KCNJ10: variants seen among roughly 807,000 people sequenced by gnomAD.
KCNJ10 encodes the protein ATP-sensitive inward rectifier potassium channel 10.
KCNJ10 carries 9 observed loss-of-function variants against 22.2 expected under a neutral mutation model. That is an observed-to-expected ratio of 0.40 (90% CI 0.24 to 0.71). KCNJ10 has a LOEUF of 0.71. Ranked by LOEUF, KCNJ10 falls within the 30% of genes least tolerant of loss-of-function variation. The probability of loss-of-function intolerance (pLI) is 0.35; values close to 1 mark genes in which losing one functional copy is unlikely to be tolerated. For synonymous variants in KCNJ10, 184 were observed against 187.3 expected (o/e 0.98, Z 0.15); for missense variants, 337 against 482.7 (o/e 0.70, Z 2.83).
intron 1 of KCNJ10, among the ~76,000 whole-genome samples, chr1:160,043,053 GT>G (rs1164100849): frequency 1.3e-5 from 2 of 152,132 alleles, no homozygotes; most frequent in African/African-American, 2.4e-5. Flanking sequence ...TTGCAACACA[GT>G]CTGATATTTG....
At chr1:160,047,745 C>G (rs78463132) in intron 1 of KCNJ10, among the ~76,000 whole-genome samples, 1,560 of 152,264 alleles carry the variant, frequency 0.01, 20 homozygotes, top group Non-Finnish European at 0.017. Flanking sequence ...CCACCTCACC[C>G]CCCGCCAGAT....
In KCNJ10 at chr1:160,038,495, A is replaced by C. The variant is rs1421455737; in HGVS notation, c.*2898T>G. 1 of 152,160 alleles carries C rather than the reference A, an allele frequency of 6.6e-6. No individual in the cohort carries two copies. Among genetic ancestry groups the C allele is most frequent in the Admixed American group, 6.5e-5 (1 of 15,276 alleles). The allele number at this position is 152,160 out of a possible 1,614,324, so 9.4% of individuals were successfully genotyped here. A position where few individuals can be genotyped will look rare whatever the true frequency, so the allele number is the denominator to read the frequency against. On this transcript the variant is annotated 3_prime_UTR_variant, in exon 2 of 2. Coordinates refer to ENST00000644903, the MANE Select transcript of KCNJ10 (RefSeq NM_002241.5). Reference sequence around the variant, plus strand: ...CCTCCCTTTCCCATTTCCAGACTTGAAATCCTTCATCAGCTATCTCACTTC... The same window carrying C: ...CCTCCCTTTCCCATTTCCAGACTTGCAATCCTTCATCAGCTATCTCACTTC...
Position 160,042,508 on chromosome 1 carries a change from A to G in KCNJ10, c.25T>C (p.Tyr9His). 6.2e-7 allele frequency: 1 copy of G among 1,614,126 alleles called. No homozygotes were observed. The highest frequency in any genetic ancestry group is 8.5e-7 in the Non-Finnish European group (1 of 1,180,024). Residue 9 changes from tyrosine to histidine, a missense_variant, in exon 2 of 2, where the codon TAC becomes CAC. Tyr to His is a moderately conservative substitution (Grantham distance 83). Around this residue, in one of 3 missense-constraint regions of KCNJ10, gnomAD observed 107 missense variants for 135.2 expected, o/e 0.79. Transcript: ENST00000644903. Reference protein sequence around the residue: MTSVAKVYYSQTTQTESRP... With the variant: MTSVAKVYHSQTTQTESRP... The stretch of plus-strand genomic sequence containing the variant: ...CTTTCTGTCTGAGTGGTCTGACTGT[A>G]ATACACCTTGGCAACTGACGTCATC...
chr1:160,069,629 G>A (rs1182056501), intron 1 of KCNJ10, among the ~76,000 whole-genome samples: 1 of 152,176 alleles, frequency 6.6e-6, no homozygotes, highest in East Asian at 1.9e-4. Context: ...GGGAGGGGCT[G>A]GGGATGGGAG....
chr1:160,059,595 G>T (rs572302731), intron 1 of KCNJ10, among the ~76,000 whole-genome samples: 7 of 152,206 alleles, frequency 4.6e-5, no homozygotes, highest in Admixed American at 3.9e-4. Flanking sequence ...TAGGTCTCAG[G>T]GTCTCCCTCA....
intron 1 of KCNJ10, among the ~76,000 whole-genome samples, chr1:160,053,945 GA>G (rs1394933984): frequency 6.6e-6 from 1 of 152,156 alleles, no homozygotes; most frequent in Non-Finnish European, 1.5e-5. Context: ...TCTCTGGCCA[GA>G]CACCACCCCT....
In KCNJ10 at chr1:160,040,722, T is replaced by G. The variant is rs1648580597; in HGVS notation, c.*671A>C. On this transcript the variant is annotated 3_prime_UTR_variant, in exon 2 of 2. Transcript: ENST00000644903. ...TTATGTTTCTTGGGCCAACTCCAATTCTCTGAGAACAGAGGCTATGAGGGA... is the reference window on the plus strand; with the variant it reads ...TTATGTTTCTTGGGCCAACTCCAATGCTCTGAGAACAGAGGCTATGAGGGA... The G allele has an allele frequency of 5.0e-6, 2 of 397,888 alleles. No individual in the cohort carries two copies. The highest frequency in any genetic ancestry group is 4.1e-5 in the African/African-American group (2 of 48,572). The allele number at this position is 397,888 out of a possible 1,614,324, so 24.6% of individuals were successfully genotyped here.
chr1:160,061,540 T>C (rs4656873), intron 1 of KCNJ10, among the ~76,000 whole-genome samples: 21,586 of 151,826 alleles, frequency 0.14, 1,712 homozygotes, highest in Admixed American at 0.24. Flanking sequence ...GAGCATTGCT[T>C]AGAGTGCAGC....
rs755113506 is a variant in KCNJ10 at position 160,042,191 on chromosome 1, T to C, written c.342A>G (p.Thr114=). The part of the protein sequence containing the change: ...NHTPCVVQVH[T]LTGAFLFSLE... ...GGGAGAAGAGGAAGGCTCCAGTGAG[T>C]GTGTGCACCTGTACCACACAGGGGG... Residue 114 remains threonine, a synonymous_variant, in exon 2 of 2, where the codon ACA becomes ACG. Coordinates refer to ENST00000644903, the MANE Select transcript of KCNJ10 (RefSeq NM_002241.5). 6.2e-7 allele frequency: 1 copy of C among 1,606,430 alleles called. No homozygotes were observed. The highest frequency in any genetic ancestry group is 8.5e-7 in the Non-Finnish European group (1 of 1,175,008).
In KCNJ10 at chr1:160,041,633, G is replaced by T. The variant is rs1200679307; in HGVS notation, c.900C>A (p.Tyr300Ter). The T allele has an allele frequency of 6.2e-7, 1 of 1,614,204 alleles. No homozygotes were observed. Among genetic ancestry groups the T allele is most frequent in the Non-Finnish European group, 8.5e-7 (1 of 1,180,030 alleles). ...TSATCQVRTSYLPEEILWGYE... is the reference protein window; with the variant it reads ...TSATCQVRTS ...AGCCCCAAAGGATCTCCTCTGGCAGGTAGGAAGTGCGCACCTGACAGGTGG... is the reference window on the plus strand; with the variant it reads ...AGCCCCAAAGGATCTCCTCTGGCAGTTAGGAAGTGCGCACCTGACAGGTGG... Residue 300 changes from tyrosine (Y) to a stop codon, truncating the protein, a stop_gained, in exon 2 of 2, where the codon TAC becomes TAA. Transcript: ENST00000644903. LOFTEE classifies it high-confidence loss of function. This position sits in a 1 kb window ranked among gnomAD's most constrained non-coding sequence, Gnocchi z 4.4.
rs748359138 is a variant in KCNJ10, at chr1:160,042,299, T to G, written c.234A>C (p.Thr78=). The change falls in exon 2 of 2, where the codon ACA becomes ACC. Residue 78 remains threonine, a synonymous_variant. Transcript: ENST00000644903. ...ACCACACCACGCCAAAGAGGAACCA[T>G]GTGCCTGCAAAGGTCGCAGAGAAGA... ...LLLFSATFAG[T]WFLFGVVWYL... The G allele has an allele frequency of 2.0e-5, 32 of 1,613,672 alleles. No individual in the cohort carries two copies. The highest frequency in any genetic ancestry group is 3.3e-5 in the Admixed American group (2 of 59,996).
chr1:160,058,380 T>G (rs1423741942), intron 1 of KCNJ10, among the ~76,000 whole-genome samples: 1 of 152,182 alleles, frequency 6.6e-6, no homozygotes, highest in Non-Finnish European at 1.5e-5. Flanking sequence ...AGGCCCACTG[T>G]GGGAGTGCTT....
Position 160,041,226 on chromosome 1 carries a change from A to G in KCNJ10, c.*167T>C. 1.5e-6 allele frequency: 1 copy of G among 682,630 alleles called. No individual in the cohort carries two copies. Among genetic ancestry groups the G allele is most frequent in the Non-Finnish European group, 2.6e-6 (1 of 389,856 alleles). 42.3% of individuals were successfully genotyped at this position (682,630 alleles called of 1,614,324 possible). A position where few individuals can be genotyped will look rare whatever the true frequency, so the allele number is the denominator to read the frequency against. ...GTGGAAAGGGGACAGTGGGAGGCGA[A>G]CCTGGACTCCAGTTGGCCTAAGCTA... On this transcript the variant is annotated 3_prime_UTR_variant, in exon 2 of 2. Coordinates refer to ENST00000644903, the MANE Select transcript of KCNJ10 (RefSeq NM_002241.5). The surrounding 1 kb of genome is among the most constrained non-coding windows in gnomAD (Gnocchi z 4.4).
At chr1:160,046,791 A>G (rs1159584137) in intron 1 of KCNJ10, among the ~76,000 whole-genome samples, 1 of 152,186 alleles carries the variant, frequency 6.6e-6, no homozygotes, top group African/African-American at 2.4e-5. Flanking sequence ...AATCGAGCCA[A>G]AGCTCTGGAA....
chr1:160,069,117 C>A (rs1235226420), intron 1 of KCNJ10, among the ~76,000 whole-genome samples: 1 of 152,202 alleles, frequency 6.6e-6, no homozygotes, highest in Non-Finnish European at 1.5e-5. Context: ...TCTGCCTCAC[C>A]CTGCCTGGGG....
chr1:160,058,703 A>G (rs1649107227), intron 1 of KCNJ10, among the ~76,000 whole-genome samples: 1 of 152,142 alleles, frequency 6.6e-6, no homozygotes. Flanking sequence ...GGTGGAACAG[A>G]GTCCTTTATG....
intron 1 of KCNJ10, among the ~76,000 whole-genome samples, chr1:160,067,233 C>G (rs1274148258): frequency 6.6e-6 from 1 of 152,168 alleles, no homozygotes; most frequent in African/African-American, 2.4e-5. Context: ...GAGGGCATTT[C>G]CCACAATCCC....
chr1:160,054,201 C>T (rs1407929647), intron 1 of KCNJ10, among the ~76,000 whole-genome samples: 1 of 152,200 alleles, frequency 6.6e-6, no homozygotes, highest in East Asian at 1.9e-4. Flanking sequence ...CTATTGCACG[C>T]CCTCCTGAGT....
Position 160,051,076 on chromosome 1 carries a change from T to C in KCNJ10, c.1-8544A>G, listed in dbSNP as rs1648891262. ...CTTCTGCCTCAGCCTCCCGAGTAGC[T>C]GGAATTACAGGCATGAGCCACCATA... On this transcript the variant is annotated intron_variant, in intron 1 of 1. Coordinates refer to ENST00000644903, the MANE Select transcript of KCNJ10 (RefSeq NM_002241.5). Among the ~76,000 whole-genome samples, 2 of 151,918 alleles carry C rather than the reference T, an allele frequency of 1.3e-5. 1 individual carries two copies. The highest frequency in any genetic ancestry group is 1.3e-4 in the Admixed American group (2 of 15,280).
Sources: allele counts gnomAD v4.1 joint callset (sites outside exome capture counted in the v4.1 genomes callset), GRCh38; gene constraint gnomAD v4.1.1; regional missense constraint gnomAD v4.1.1; non-coding constraint Gnocchi (gnomAD v3.1); transcripts MANE v1.5; gene names NCBI Gene and HGNC (gene_info 2026-07-23, HGNC 2026-07-21).